KPNA3: variants seen among roughly 807,000 people sequenced by gnomAD.
The protein encoded by KPNA3 is karyopherin subunit alpha 3, also known as importin subunit alpha-4.
Under a neutral mutation model 73.8 loss-of-function variants are expected in KPNA3, and 13 were observed. The observed-to-expected ratio is 0.18, with a 90% CI of 0.11 to 0.28. The LOEUF is 0.28. KPNA3 is among the 10% of genes least tolerant of loss of function. The pLI is 1.00. For synonymous variants in KPNA3, 186 were observed against 206.9 expected (o/e 0.90, Z 0.87); for missense variants, 360 against 618.1 (o/e 0.58, Z 4.43).
chr13:49,721,761 C>A (rs753092070), intron 9 of KPNA3, among the ~76,000 whole-genome samples, 194 bp downstream of exon 9: 1 of 151,766 alleles, frequency 6.6e-6, no homozygotes, highest in Non-Finnish European at 1.5e-5. Context: ...TGGAGCTTGC[C>A]GTGAGCCAAG....
chr13:49,706,428 C>T (rs1205574656), intron 12 of KPNA3, 56 bp from the exon 13 acceptor site: 1 of 1,162,496 alleles, frequency 8.6e-7, no homozygotes, highest in Admixed American at 2.0e-5. Context: ...CCTTTAATGT[C>T]TTTCTAATAT....
rs1954134229 is a variant in KPNA3, at chr13:49,700,168, T to C, written c.*1632A>G. 1 of 152,640 alleles carries C rather than the reference T, an allele frequency of 6.6e-6. No homozygotes were observed. The highest frequency in any genetic ancestry group is 6.5e-5 in the Admixed American group (1 of 15,280). The allele number at this position is 152,640 out of a possible 1,614,324, so 9.5% of individuals were successfully genotyped here. On this transcript the variant is annotated 3_prime_UTR_variant, in exon 17 of 17. Transcript: ENST00000261667. ...GACAAAACTCACTCTTTAAAGTGGC[T>C]CCACCTTGGCAGATACATATATTTG... is the stretch of plus-strand genomic sequence containing the variant.
At chr13:49,719,036 A>G (rs973767421) in intron 10 of KPNA3, among the ~76,000 whole-genome samples, 7 of 152,136 alleles carry the variant, frequency 4.6e-5, no homozygotes, top group African/African-American at 1.7e-4. Flanking sequence ...AAGAAACTGG[A>G]TCAACACTAG....
chr13:49,727,759 T>A (rs557065990), intron 6 of KPNA3, among the ~76,000 whole-genome samples: 1 of 152,230 alleles, frequency 6.6e-6, no homozygotes, highest in South Asian at 2.1e-4. Flanking sequence ...GGGTAAGTCA[T>A]CAATCTGAAA....
intron 1 of KPNA3, among the ~76,000 whole-genome samples, chr13:49,770,111 T>C (rs1954840920): frequency 6.6e-6 from 1 of 152,128 alleles, no homozygotes; most frequent in Admixed American, 6.5e-5. Context: ...TCTTTACAAA[T>C]TCTGGATGTT....
intron 1 of KPNA3, among the ~76,000 whole-genome samples, chr13:49,790,418 T>C (rs979988222): frequency 3.9e-5 from 6 of 152,228 alleles, no homozygotes; most frequent in Non-Finnish European, 7.3e-5. Flanking sequence ...AGCTGAGCTA[T>C]GAGTGCCTGA....
chr13:49,756,284 A>G (rs1566352520), intron 1 of KPNA3, among the ~76,000 whole-genome samples: 1 of 152,160 alleles, frequency 6.6e-6, no homozygotes, highest in Non-Finnish European at 1.5e-5. Context: ...AAAACAAACA[A>G]ACAATGCTGG....
intron 2 of KPNA3, among the ~76,000 whole-genome samples, chr13:49,735,949 T>C (rs1318607984): frequency 2.0e-5 from 3 of 152,212 alleles, no homozygotes; most frequent in Admixed American, 1.3e-4. Flanking sequence ...CTTTCCACCT[T>C]GAAAAACTGG....
At position 49,699,607 on chromosome 13, in the gene KPNA3, AAT is replaced by A. The variant is rs1304361806; in HGVS notation, c.*2191_*2192del. 6.6e-6 allele frequency: 1 copy of A among 152,666 alleles called. No homozygotes were observed. The highest frequency in any genetic ancestry group is 1.5e-5 in the Non-Finnish European group (1 of 68,042). 9.5% of individuals were successfully genotyped at this position (152,666 alleles called of 1,614,324 possible). A position where few individuals can be genotyped will look rare whatever the true frequency, so the allele number is the denominator to read the frequency against. On this transcript the variant is annotated 3_prime_UTR_variant, in exon 17 of 17. Coordinates refer to ENST00000261667, the MANE Select transcript of KPNA3 (RefSeq NM_002267.4). ...ACAAGTGTCTGCACTACTTGATGCTAATGTTCACTTAAATGTTAGTTTGCACT... is the reference window on the plus strand; with the variant it reads ...ACAAGTGTCTGCACTACTTGATGCTAGTTCACTTAAATGTTAGTTTGCACT...
rs1036151141 is a variant in KPNA3, at chr13:49,699,470, ACT to A, written c.*2328_*2329del. The A allele has an allele frequency of 5.2e-5, 8 of 152,746 alleles. No individual in the cohort carries two copies. In the South Asian group the frequency reaches 1.2e-3, roughly 24 times the overall value. 9.5% of individuals were successfully genotyped at this position (152,746 alleles called of 1,614,324 possible). The stretch of plus-strand genomic sequence containing the variant: ...AAAAATAACAATGCAATTTTTAAAC[ACT>A]GTTTTGAAAACTTAAAAGTGCAGCA... On this transcript the variant is annotated 3_prime_UTR_variant, in exon 17 of 17. Coordinates refer to ENST00000261667, the MANE Select transcript of KPNA3 (RefSeq NM_002267.4).
chr13:49,730,725 C>T lies in KPNA3; in HGVS notation c.383+1646G>A, dbSNP rs1167967998. On this transcript the variant is annotated intron_variant, in intron 6 of 16. Coordinates refer to ENST00000261667, the MANE Select transcript of KPNA3 (RefSeq NM_002267.4). ...TGCTGGTGTGCTGCACCCATTAACT[C>T]GTCATTCAGCATTAGGTATATCTCC... 3.4e-5 allele frequency among the ~76,000 whole-genome samples: 5 copies of T among 147,790 alleles called. No individual in the cohort carries two copies. In the East Asian group the frequency reaches 1.0e-3, roughly 30 times the overall value.
At chr13:49,703,472 A>T (rs554976622) in intron 15 of KPNA3, among the ~76,000 whole-genome samples, 1 of 151,976 alleles carries the variant, frequency 6.6e-6, no homozygotes, top group Non-Finnish European at 1.5e-5. Flanking sequence ...GAGCCACTGC[A>T]CCCGGCCAAT....
At chr13:49,766,157 G>C (rs1332883321) in intron 1 of KPNA3, among the ~76,000 whole-genome samples, 1 of 152,130 alleles carries the variant, frequency 6.6e-6, no homozygotes, top group Non-Finnish European at 1.5e-5. Flanking sequence ...CTCGTGTCAC[G>C]AAGCAGGCAG....
At chr13:49,715,290 T>C (rs1954294809) in intron 10 of KPNA3, among the ~76,000 whole-genome samples, 1 of 152,026 alleles carries the variant, frequency 6.6e-6, no homozygotes, top group South Asian at 2.1e-4. Context: ...CCTTAATATA[T>C]AAAGAACTCT....
At chr13:49,721,867 T>C in intron 9 of KPNA3, 88 bp downstream of exon 9, 1 of 819,582 alleles carries the variant, frequency 1.2e-6, no homozygotes, top group Non-Finnish European at 1.8e-6. Flanking sequence ...GAAATCAGTA[T>C]ATGTATTATT....
chr13:49,784,531 T>C (rs1050300798), intron 1 of KPNA3, among the ~76,000 whole-genome samples: 2 of 152,198 alleles, frequency 1.3e-5, no homozygotes, highest in South Asian at 2.1e-4. Flanking sequence ...TATTCATCTA[T>C]AGATGAATGG....
intron 1 of KPNA3, among the ~76,000 whole-genome samples, chr13:49,761,682 G>A (rs1291677765): frequency 1.6e-4 from 24 of 151,824 alleles, no homozygotes; most frequent in African/African-American, 5.6e-4. Context: ...AGTGAGGAGC[G>A]TCTCTGCCTG....
intron 6 of KPNA3, among the ~76,000 whole-genome samples, chr13:49,728,234 CAAAA>C (rs60821750): frequency 7.9e-5 from 5 of 63,326 alleles, no homozygotes; most frequent in Admixed American, 1.8e-4. Context: ...GACTCTGTCT[CAAAA>C]AAAAAAAAAA....
At chr13:49,727,522 T>G (rs4941655) in intron 6 of KPNA3, among the ~76,000 whole-genome samples, 1 of 149,774 alleles carries the variant, frequency 6.7e-6, no homozygotes, top group Non-Finnish European at 1.5e-5. Context: ...TTAAGGAGAA[T>G]AGATGTCAGA....
Sources: allele counts gnomAD v4.1 joint callset (sites outside exome capture counted in the v4.1 genomes callset), GRCh38; gene constraint gnomAD v4.1.1; transcripts MANE v1.5; gene names NCBI Gene and HGNC (gene_info 2026-07-23, HGNC 2026-07-21).